The following FAM3B variants were observed in gnomAD, a reference collection of about 807,000 sequenced individuals.
FAM3B encodes FAM3 metabolism regulating signaling molecule B, also known as protein FAM3B.
In FAM3B, 29 loss-of-function variants were observed where a neutral mutation model predicts 28.4. The ratio of observed to expected loss-of-function variants is 1.02; its 90% confidence interval spans 0.76 to 1.39. FAM3B has a LOEUF of 1.39. Ranked by LOEUF, FAM3B falls within the 40% of genes most tolerant of loss-of-function variation. The pLI is 0.00. For synonymous variants in FAM3B, 91 were observed against 103.0 expected (o/e 0.88, Z 0.71); for missense variants, 266 against 293.9 (o/e 0.91, Z 0.69).
chr21:41,314,150 T>C (rs1021198583), upstream of FAM3B, among the ~76,000 whole-genome samples: 1 of 152,210 alleles, frequency 6.6e-6, no homozygotes, highest in Non-Finnish European at 1.5e-5. Flanking sequence ...AGTGCCCTTC[T>C]AAGAAGAAAC....
chr21:41,305,152 C>A (rs2088676365), intron 1 of FAM3B, among the ~76,000 whole-genome samples: 1 of 152,198 alleles, frequency 6.6e-6, no homozygotes, highest in South Asian at 2.1e-4. Context: ...TGGAACCACA[C>A]TCCAGGTGGG....
At chr21:41,343,646 A>G (rs2089027404) in intron 3 of FAM3B, among the ~76,000 whole-genome samples, 2 of 152,342 alleles carry the variant, frequency 1.3e-5, no homozygotes, top group South Asian at 4.1e-4. Context: ...TAAAGCTAAC[A>G]TGTCATTGAT....
chr21:41,310,207 C>T (rs1007601935), intron 1 of FAM3B, among the ~76,000 whole-genome samples: 2 of 152,122 alleles, frequency 1.3e-5, no homozygotes, highest in Non-Finnish European at 2.9e-5. Context: ...CACCCTGGCT[C>T]TCCATGGCTA....
At chr21:41,320,105 AT>A (rs1200221750) in intron 1 of FAM3B, 1 of 152,008 alleles carries the variant, frequency 6.6e-6, no homozygotes, top group Non-Finnish European at 1.5e-5. Context: ...GAGAAAATAA[AT>A]TTCAATTTCA....
chr21:41,355,041 T>C (rs1397763323), intron 7 of FAM3B, among the ~76,000 whole-genome samples: 1 of 152,174 alleles, frequency 6.6e-6, no homozygotes, highest in Non-Finnish European at 1.5e-5. Context: ...AAAGAAGATA[T>C]ACAAATGGTC....
intron 6 of FAM3B, among the ~76,000 whole-genome samples, chr21:41,348,013 C>T (rs1396372227): frequency 2.0e-5 from 3 of 152,176 alleles, no homozygotes; most frequent in Non-Finnish European, 2.9e-5. Flanking sequence ...AACTGAAGTT[C>T]CTTGGCACAT....
chr21:41,318,340 G>A (rs1314957100), intron 1 of FAM3B, among the ~76,000 whole-genome samples: 1 of 152,188 alleles, frequency 6.6e-6, no homozygotes, highest in Non-Finnish European at 1.5e-5. Context: ...GTTCCCAGGA[G>A]GGACATTCAG....
chr21:41,316,894 TG>T lies in FAM3B; in HGVS notation c.17del (p.Gly6ValfsTer104). 7.2e-7 allele frequency: 1 copy of T among 1,387,150 alleles called. No individual in the cohort carries two copies. Among genetic ancestry groups the T allele is most frequent in the South Asian group, 1.6e-5 (1 of 60,732 alleles). The allele number at this position is 1,387,150 out of a possible 1,614,324, so 85.9% of individuals were successfully genotyped here. On this transcript the variant is annotated frameshift_variant, in exon 1 of 8. Coordinates refer to ENST00000357985, the MANE Select transcript of FAM3B (RefSeq NM_058186.4). LOFTEE classifies it high-confidence loss of function. MRPLA[G>X]GLLKVVFVVF... ...GCACCTGGAAGATGCGCCCATTGGC[TG>T]GTGGTGAGTGCGCCCCCGCCTCGGG...
At chr21:41,316,069 G>T (rs559199760), upstream of FAM3B, among the ~76,000 whole-genome samples, 3 of 152,318 alleles carry the variant, frequency 2.0e-5, no homozygotes, top group South Asian at 6.2e-4. Flanking sequence ...TGGGTCAAAA[G>T]TGCTATAAAA....
At chr21:41,356,432 A>T (rs2089167738) in intron 7 of FAM3B, among the ~76,000 whole-genome samples, 2 of 152,234 alleles carry the variant, frequency 1.3e-5, no homozygotes, top group Non-Finnish European at 2.9e-5. Context: ...ACAATAAAGT[A>T]TGGAGTGTCT....
At chr21:41,316,772 G>C, upstream of FAM3B, 1 of 1,178,764 alleles carries the variant, frequency 8.5e-7, no homozygotes. Context: ...GCCCGCCCCT[G>C]CCCGACACGA....
At chr21:41,327,489 A>C (rs933815261) in intron 2 of FAM3B, among the ~76,000 whole-genome samples, 13 of 152,240 alleles carry the variant, frequency 8.5e-5, no homozygotes, top group Middle Eastern at 3.4e-3. Flanking sequence ...TTGCAAAGAG[A>C]CCCTGCCTTA....
intron 4 of FAM3B, 73 bp from the exon 5 acceptor site, chr21:41,345,613 C>T: frequency 1.2e-6 from 1 of 842,266 alleles, no homozygotes; most frequent in South Asian, 1.8e-5. Context: ...ATTTCCTTCC[C>T]CAGGCCCTGG....
intron 7 of FAM3B, among the ~76,000 whole-genome samples, chr21:41,355,090 C>T (rs1228921225): frequency 6.6e-6 from 1 of 152,134 alleles, no homozygotes; most frequent in African/African-American, 2.4e-5. Flanking sequence ...CATTCATTTT[C>T]AGAAAAATAC....
Position 41,346,999 on chromosome 21 carries a change from G to T in FAM3B, c.398-14G>T. On this transcript the variant is annotated splice_polypyrimidine_tract_variant and intron_variant, in intron 5 of 7. Transcript: ENST00000357985. The stretch of plus-strand genomic sequence containing the variant: ...ACAGCAAAGACCCTAAAACTGACTT[G>T]CATCCCCCAATAGATAACTCTGGAC... 3 of 1,613,430 alleles carry T rather than the reference G, an allele frequency of 1.9e-6. No homozygotes were observed. The highest frequency in any genetic ancestry group is 2.5e-6 in the Non-Finnish European group (3 of 1,179,396).
intron 1 of FAM3B, among the ~76,000 whole-genome samples, chr21:41,321,751 C>T (rs1157130430): frequency 6.6e-6 from 1 of 152,222 alleles, no homozygotes; most frequent in Non-Finnish European, 1.5e-5. Context: ...TGCCTTGGCG[C>T]AGCATAGCCG....
intron 1 of FAM3B, among the ~76,000 whole-genome samples, chr21:41,322,080 C>T (rs1450172300): frequency 3.3e-5 from 5 of 152,112 alleles, no homozygotes; most frequent in African/African-American, 1.2e-4. Context: ...ATCCCTGCAT[C>T]GTAGCAATCT....
chr21:41,316,829 C>A lies in FAM3B; in HGVS notation c.-51C>A. The A allele has an allele frequency of 7.0e-7, 1 of 1,426,244 alleles. No homozygotes were observed. Among genetic ancestry groups the A allele is most frequent in the South Asian group, 1.4e-5 (1 of 70,662 alleles). The allele number at this position is 1,426,244 out of a possible 1,614,324, so 88.3% of individuals were successfully genotyped here. On this transcript the variant is annotated 5_prime_UTR_variant, in exon 1 of 8. Coordinates refer to ENST00000357985, the MANE Select transcript of FAM3B (RefSeq NM_058186.4). ...CCTGACCCAGGGGCTCCGCTGGCTG[C>A]GGTCGCCTGGGAGCTGCCGCCAGGG... is the stretch of plus-strand genomic sequence containing the variant.
At chr21:41,310,234 C>T (rs2088701929) in intron 1 of FAM3B, among the ~76,000 whole-genome samples, 1 of 152,100 alleles carries the variant, frequency 6.6e-6, no homozygotes, top group African/African-American at 2.4e-5. Flanking sequence ...CAATGAGCCT[C>T]ACCCCACCCC....
Sources: allele counts gnomAD v4.1 joint callset (sites outside exome capture counted in the v4.1 genomes callset), GRCh38; gene constraint gnomAD v4.1.1; transcripts MANE v1.5; gene names NCBI Gene and HGNC (gene_info 2026-07-23, HGNC 2026-07-21).